ACACA: variants seen among roughly 807,000 people sequenced by gnomAD.
The protein encoded by ACACA is acetyl-CoA carboxylase alpha, also known as acetyl-CoA carboxylase 1.
In ACACA, 103 loss-of-function variants were observed where a neutral mutation model predicts 296.1. The observed-to-expected ratio is 0.35, with a 90% CI of 0.30 to 0.41. The LOEUF (loss-of-function observed/expected upper bound fraction) is 0.41. Among genes scored for constraint, ACACA ranks in the 10% least tolerant of loss-of-function variants. The probability of loss-of-function intolerance (pLI) is 1.00; values close to 1 mark genes in which losing one functional copy is unlikely to be tolerated. For missense variants in ACACA, 1,554 were observed against 2,989.7 expected, an observed-to-expected ratio of 0.52 and a Z score of 11.20; for synonymous variants, 953 against 1,038.6, an observed-to-expected ratio of 0.92 and a Z score of 1.58.
intron 33 of ACACA, among the ~76,000 whole-genome samples, chr17:37,202,517 T>C (rs2078293045): frequency 6.6e-6 from 1 of 151,680 alleles, no homozygotes; most frequent in South Asian, 2.1e-4. Context: ...ATTTGGACAA[T>C]TTGGATCAAC....
chr17:37,224,426 AT>A (rs747360671), intron 27 of ACACA, among the ~76,000 whole-genome samples: 11 of 152,328 alleles, frequency 7.2e-5, no homozygotes, highest in South Asian at 4.1e-4. Context: ...ATATAAAGTC[AT>A]TCCTGAGAAG....
intron 3 of ACACA, among the ~76,000 whole-genome samples, chr17:37,319,789 A>G (rs925428508): frequency 6.6e-6 from 1 of 152,036 alleles, no homozygotes; most frequent in East Asian, 1.9e-4. Context: ...TGTCTCTACT[A>G]AAAATACAAA....
intron 1 of ACACA, among the ~76,000 whole-genome samples, chr17:37,371,260 G>A (rs2049796099): frequency 6.6e-6 from 1 of 151,686 alleles, no homozygotes; most frequent in Non-Finnish European, 1.5e-5. Flanking sequence ...TGTATTTTTA[G>A]TAGAGACAGG....
At chr17:37,403,805 C>T (rs2051371346) in intron 1 of ACACA, among the ~76,000 whole-genome samples, 1 of 152,134 alleles carries the variant, frequency 6.6e-6, no homozygotes, top group South Asian at 2.1e-4. Context: ...TTGAGACAGA[C>T]TCTTGCTCTG....
chr17:37,229,731 A>G (rs12951598), intron 25 of ACACA, among the ~76,000 whole-genome samples: 39,925 of 152,070 alleles, frequency 0.26, 5,989 homozygotes, highest in African/African-American at 0.38. Context: ...GGCTTCAGGA[A>G]AAAACAACAG....
intron 35 of ACACA, among the ~76,000 whole-genome samples, chr17:37,198,859 T>C (rs1284908667): frequency 6.6e-6 from 1 of 152,246 alleles, no homozygotes; most frequent in East Asian, 1.9e-4. Flanking sequence ...TCCTTGAGTT[T>C]AGAAAGTCCT....
chr17:37,097,754 T>G lies in ACACA; in HGVS notation c.6720+76A>C. The G allele has an allele frequency of 1.3e-6, 2 of 1,573,676 alleles. No individual in the cohort carries two copies. Reference sequence around the variant, plus strand: ...TTTGGCCCTCATAGCTCCCTGCTTATGAGCCTGTGTGCAACACACACACAC... The same window carrying G: ...TTTGGCCCTCATAGCTCCCTGCTTAGGAGCCTGTGTGCAACACACACACAC... On this transcript the variant is annotated intron_variant, in intron 53 of 55. Coordinates refer to ENST00000616317, the MANE Select transcript of ACACA (RefSeq NM_198834.3). The surrounding 1 kb of genome is among the most constrained non-coding windows in gnomAD (Gnocchi z 4.8).
At chr17:37,323,125 C>T (rs757903964) in intron 3 of ACACA, among the ~76,000 whole-genome samples, 17 of 152,280 alleles carry the variant, frequency 1.1e-4, no homozygotes, top group Non-Finnish European at 2.4e-4. Context: ...GCAGACACCA[C>T]CCCAAGATGG....
At chr17:37,105,617 C>T (rs1301145117) in intron 52 of ACACA, among the ~76,000 whole-genome samples, 1 of 152,110 alleles carries the variant, frequency 6.6e-6, no homozygotes, top group African/African-American at 2.4e-5. Flanking sequence ...GTAATCCCAA[C>T]ACTTTAGGAG....
At position 37,113,300 on chromosome 17, in the gene ACACA, T is replaced by A; in HGVS notation, c.6275-35A>T. On this transcript the variant is annotated intron_variant, in intron 50 of 55. Coordinates refer to ENST00000616317, the MANE Select transcript of ACACA (RefSeq NM_198834.3). The surrounding 1 kb of genome is among the most constrained non-coding windows in gnomAD (Gnocchi z 4.0). ...ATGAGACAAATTAGAAATCAAGAAA[T>A]TTCTCTTCCTCAAAGCAGTACTTTT... 6.2e-7 allele frequency: 1 copy of A among 1,605,942 alleles called. No individual in the cohort carries two copies. Among genetic ancestry groups the A allele is most frequent in the Non-Finnish European group, 8.5e-7 (1 of 1,173,924 alleles).
chr17:37,405,146 T>C (rs2051428800), intron 1 of ACACA, among the ~76,000 whole-genome samples: 1 of 152,210 alleles, frequency 6.6e-6, no homozygotes. Context: ...TCTCATTAAA[T>C]GATCAGATAT....
At chr17:37,398,952 G>A (rs1186731023) in intron 1 of ACACA, among the ~76,000 whole-genome samples, 1 of 149,372 alleles carries the variant, frequency 6.7e-6, no homozygotes, top group Non-Finnish European at 1.5e-5. Flanking sequence ...GGAGGAGAAA[G>A]GAGATGCAGG....
chr17:37,230,016 G>C (rs2079774225), intron 25 of ACACA, among the ~76,000 whole-genome samples: 1 of 151,904 alleles, frequency 6.6e-6, no homozygotes, highest in African/African-American at 2.4e-5. Flanking sequence ...AGCTGAGATT[G>C]CGTCATTGCA....
intron 8 of ACACA, chr17:37,274,706 G>A: frequency 1.0e-6 from 1 of 984,476 alleles, no homozygotes; most frequent in African/African-American, 1.7e-5. Context: ...AAATAGAAAT[G>A]GCGGTTTTAT....
In ACACA at chr17:37,155,400, C is replaced by T. The variant is rs191898763; in HGVS notation, c.5447+283G>A. On this transcript the variant is annotated intron_variant, in intron 43 of 55. Transcript: ENST00000616317. ...CAAGTGTATAACATAAATTCATAAT[C>T]GTGGCCTGAAGGTGGGATTGTGGCT... Among the ~76,000 whole-genome samples the T allele has an allele frequency of 2.5e-3, 373 of 152,096 alleles. 4 individuals carry two copies. Among genetic ancestry groups the T allele is most frequent in the African/African-American group, 8.4e-3 (347 of 41,516 alleles).
chr17:37,121,717 T>C (rs1312886252), intron 49 of ACACA, among the ~76,000 whole-genome samples: 1 of 152,210 alleles, frequency 6.6e-6, no homozygotes, highest in Admixed American at 6.5e-5. Context: ...AATAACTCTG[T>C]AGTCAAAAGG....
intron 43 of ACACA, among the ~76,000 whole-genome samples, chr17:37,153,781 C>T (rs1597992565): frequency 6.6e-6 from 1 of 152,094 alleles, no homozygotes; most frequent in South Asian, 2.1e-4. Context: ...TACTGAGACA[C>T]TAAGGATGCC....
intron 2 of ACACA, 103 bp from the exon 3 acceptor site, chr17:37,330,528 G>A (rs2147223097): frequency 1.4e-6 from 2 of 1,466,104 alleles, no homozygotes; most frequent in East Asian, 4.5e-5. Context: ...AGACGTGGAA[G>A]CAAGGCAATT....
intron 33 of ACACA, among the ~76,000 whole-genome samples, chr17:37,201,176 C>T (rs2078230030): frequency 6.6e-6 from 1 of 152,176 alleles, no homozygotes; most frequent in Non-Finnish European, 1.5e-5. Context: ...TGGTGGCTCA[C>T]GCCTGTAATC....
Sources: allele counts gnomAD v4.1 joint callset (sites outside exome capture counted in the v4.1 genomes callset), GRCh38; gene constraint gnomAD v4.1.1; non-coding constraint Gnocchi (gnomAD v3.1); transcripts MANE v1.5; gene names NCBI Gene and HGNC (gene_info 2026-07-23, HGNC 2026-07-21).